ROBO2: variants seen among roughly 807,000 people sequenced by gnomAD.
The protein encoded by ROBO2 is roundabout guidance receptor 2.
Under a neutral mutation model 160.8 loss-of-function variants are expected in ROBO2, and 53 were observed. The ratio of observed to expected loss-of-function variants is 0.33; its 90% CI spans 0.26 to 0.41. The LOEUF is 0.41. ROBO2 is among the 10% of genes least tolerant of loss of function. The pLI is 1.00. For synonymous variants in ROBO2, 664 were observed against 611.7 expected (o/e 1.09, Z -1.26); for missense variants, 1,577 against 1,722.4 (o/e 0.92, Z 1.49).
intron 2 of ROBO2, among the ~76,000 whole-genome samples, chr3:76,146,698 G>GTA (rs1491413999): frequency 2.1e-4 from 9 of 43,598 alleles, no homozygotes; most frequent in Admixed American, 1.6e-3. Flanking sequence ...ATTACATAGG[G>GTA]TGTGTGTGTG....
chr3:76,834,062 T>TCTCTCTTTC (rs1553651248), intron 2 of ROBO2, among the ~76,000 whole-genome samples: 1 of 88,012 alleles, frequency 1.1e-5, no homozygotes, highest in African/African-American at 4.5e-5. Context: ...CCTTTCTTTC[T>TCTCTCTTTC]TTTCTTTCTT....
chr3:77,354,693 C>T (rs1387418825), intron 2 of ROBO2, among the ~76,000 whole-genome samples: 1 of 151,972 alleles, frequency 6.6e-6, no homozygotes, highest in Non-Finnish European at 1.5e-5. Flanking sequence ...TGAATTATAA[C>T]ATGTAAAATT....
chr3:77,259,880 C>T (rs1312858490), intron 2 of ROBO2, among the ~76,000 whole-genome samples: 1 of 152,140 alleles, frequency 6.6e-6, no homozygotes, highest in African/African-American at 2.4e-5. Flanking sequence ...ATCCAGATGC[C>T]AAGCTTTGGA....
chr3:76,974,168 T>C (rs576832403), intron 2 of ROBO2, among the ~76,000 whole-genome samples: 2 of 152,202 alleles, frequency 1.3e-5, no homozygotes, highest in East Asian at 1.9e-4. Context: ...ATCTTGAAAA[T>C]AGGAAAATTC....
intron 2 of ROBO2, among the ~76,000 whole-genome samples, chr3:76,158,631 G>C (rs913448051): frequency 6.6e-6 from 1 of 152,082 alleles, no homozygotes; most frequent in Non-Finnish European, 1.5e-5. Context: ...CAGTGGTTGA[G>C]AGTTTGCTGC....
At chr3:76,427,310 G>C (rs749882872) in intron 2 of ROBO2, among the ~76,000 whole-genome samples, 121 of 152,012 alleles carry the variant, frequency 8.0e-4, no homozygotes, top group Non-Finnish European at 1.4e-3. Flanking sequence ...GAGACCATAG[G>C]AAGTGGGGGA....
At chr3:77,067,993 CTT>C (rs1229995830) in intron 1 of ROBO2, among the ~76,000 whole-genome samples, 1 of 151,888 alleles carries the variant, frequency 6.6e-6, no homozygotes, top group Non-Finnish European at 1.5e-5. Flanking sequence ...ACGTCTAAGT[CTT>C]TGCTTTATTT....
chr3:76,357,848 C>A (rs2075267634), intron 2 of ROBO2, among the ~76,000 whole-genome samples: 1 of 150,586 alleles, frequency 6.6e-6, no homozygotes, highest in Non-Finnish European at 1.5e-5. Flanking sequence ...AGATTAGAAA[C>A]ATCAAACCAA....
At chr3:76,282,861 G>A (rs1708300376) in intron 2 of ROBO2, among the ~76,000 whole-genome samples, 1 of 151,592 alleles carries the variant, frequency 6.6e-6, no homozygotes, top group Non-Finnish European at 1.5e-5. Flanking sequence ...ACATACTTAT[G>A]CATATAAAAC....
intron 2 of ROBO2, among the ~76,000 whole-genome samples, chr3:76,223,223 C>A (rs1704081753): frequency 6.6e-6 from 1 of 151,804 alleles, no homozygotes; most frequent in Non-Finnish European, 1.5e-5. Context: ...TAGTTATGGT[C>A]TAGAAGCAAG....
At chr3:77,072,498 G>T (rs1431245584) in intron 1 of ROBO2, among the ~76,000 whole-genome samples, 5 of 152,120 alleles carry the variant, frequency 3.3e-5, no homozygotes, top group Non-Finnish European at 5.9e-5. Context: ...GACTACTTGT[G>T]CTGGACACTA....
intron 2 of ROBO2, among the ~76,000 whole-genome samples, chr3:76,450,678 T>C (rs1354703457): frequency 6.6e-6 from 1 of 152,142 alleles, no homozygotes; most frequent in Admixed American, 6.6e-5. Flanking sequence ...TTACTGACCT[T>C]TGTTGAAAGT....
At chr3:76,802,982 G>A (rs1179782924) in intron 2 of ROBO2, among the ~76,000 whole-genome samples, 1 of 152,040 alleles carries the variant, frequency 6.6e-6, no homozygotes, top group African/African-American at 2.4e-5. Context: ...TATTGTCTGT[G>A]GAGCGTAAAC....
In ROBO2 at chr3:76,812,009, T is replaced by TATA. The variant is rs148266878; in HGVS notation, c.110-286004_110-286002dup. On this transcript the variant is annotated intron_variant, in intron 2 of 26. Coordinates refer to the ROBO2 transcript ENST00000487694. ...CCTCAGCCTCCCAAGTAGCTAGGAC[T>TATA]ATAGGTGCCCACCACCATGCCCAGC... Among the ~76,000 whole-genome samples, 929 of 151,976 alleles carry TATA rather than the reference T, an allele frequency of 6.1e-3. 11 individuals are homozygous for TATA. The highest frequency in any genetic ancestry group is 0.021 in the African/African-American group (878 of 41,452).
chr3:76,114,253 T>C (rs546295807), intron 2 of ROBO2, among the ~76,000 whole-genome samples: 4 of 152,240 alleles, frequency 2.6e-5, no homozygotes, highest in Admixed American at 6.6e-5. Flanking sequence ...GATGAAATTA[T>C]CTTGGAGCCC....
chr3:77,601,741 C>A (rs2094434343), intron 19 of ROBO2, among the ~76,000 whole-genome samples: 4 of 152,162 alleles, frequency 2.6e-5, no homozygotes, highest in African/African-American at 9.6e-5. Flanking sequence ...AAAAAATATA[C>A]TTCATAGTCG....
intron 2 of ROBO2, among the ~76,000 whole-genome samples, chr3:77,344,682 A>C (rs2067438244): frequency 6.6e-6 from 1 of 152,148 alleles, no homozygotes; most frequent in East Asian, 1.9e-4. Flanking sequence ...ATAGCAGCCC[A>C]AATGGACTGA....
intron 1 of ROBO2, among the ~76,000 whole-genome samples, chr3:75,907,902 T>G (rs1946422879): frequency 6.6e-6 from 1 of 151,012 alleles, no homozygotes. Flanking sequence ...ACAAAATTCC[T>G]TGGAGGTATT....
intron 2 of ROBO2, among the ~76,000 whole-genome samples, chr3:76,489,533 GAAGT>G (rs1283650043): frequency 2.0e-5 from 3 of 152,118 alleles, no homozygotes; most frequent in Admixed American, 6.6e-5. Flanking sequence ...GTTCCAAAGT[GAAGT>G]AAGTAAGTAG....
Sources: allele counts gnomAD v4.1 joint callset (sites outside exome capture counted in the v4.1 genomes callset), GRCh38; gene constraint gnomAD v4.1.1; transcripts MANE v1.5; gene names NCBI Gene and HGNC (gene_info 2026-07-23, HGNC 2026-07-21).